Variants in UBASH3B observed in about 807,000 individuals in gnomAD.
The protein encoded by UBASH3B is ubiquitin associated and SH3 domain containing B.
In UBASH3B, 37 loss-of-function variants were observed where a neutral mutation model predicts 83.4. The ratio of observed to expected loss-of-function variants is 0.44; its 90% CI spans 0.34 to 0.58. UBASH3B has a LOEUF of 0.58. Among genes scored for constraint, UBASH3B ranks in the 20% least tolerant of loss-of-function variants. UBASH3B has a pLI of 0.01. For missense variants in UBASH3B, 657 were observed against 827.2 expected, an observed-to-expected ratio of 0.79 and a Z score of 2.52; for synonymous variants, 304 against 318.3, an observed-to-expected ratio of 0.96 and a Z score of 0.48.
At chr11:122,670,961 C>G (rs1863586238) in intron 1 of UBASH3B, among the ~76,000 whole-genome samples, 1 of 151,984 alleles carries the variant, frequency 6.6e-6, no homozygotes, top group Admixed American at 6.6e-5. Flanking sequence ...TGGGGTTTCG[C>G]CACGTTGCCC....
At chr11:122,789,351 C>T (rs772186948) in intron 6 of UBASH3B, 43 bp downstream of exon 6, 2 of 1,599,058 alleles carry the variant, frequency 1.3e-6, no homozygotes, top group Non-Finnish European at 1.7e-6. Context: ...AAGAATGTTG[C>T]TAAGGCAGAC....
chr11:122,662,042 G>T (rs1457196437), intron 1 of UBASH3B, among the ~76,000 whole-genome samples: 1 of 151,664 alleles, frequency 6.6e-6, no homozygotes, highest in Non-Finnish European at 1.5e-5. Context: ...CAAGTAGCTA[G>T]GACTACAGGT....
At chr11:122,741,800 T>A (rs543791308) in intron 1 of UBASH3B, among the ~76,000 whole-genome samples, 23 of 152,258 alleles carry the variant, frequency 1.5e-4, no homozygotes, top group Admixed American at 5.9e-4. Context: ...AACCCTCCTT[T>A]GCTCTTCCCC....
At chr11:122,798,790 AC>A in intron 9 of UBASH3B, 151 bp from the exon 10 acceptor site, 1 of 556,946 alleles carries the variant, frequency 1.8e-6, no homozygotes, top group Non-Finnish European at 3.2e-6. Context: ...TTTGTTAGAA[AC>A]TAACAAAGGC....
chr11:122,733,627 C>G (rs1300002891), intron 1 of UBASH3B, among the ~76,000 whole-genome samples: 1 of 152,218 alleles, frequency 6.6e-6, no homozygotes, highest in Non-Finnish European at 1.5e-5. Flanking sequence ...TTGATGTATT[C>G]ATTCCACACA....
intron 1 of UBASH3B, among the ~76,000 whole-genome samples, chr11:122,745,458 A>G (rs147274928): frequency 7.2e-4 from 109 of 152,354 alleles, no homozygotes; most frequent in African/African-American, 2.4e-3. Context: ...TCACAGTCCC[A>G]TGAATACATA....
chr11:122,764,089 A>G (rs1219005171), intron 1 of UBASH3B, among the ~76,000 whole-genome samples: 2 of 152,220 alleles, frequency 1.3e-5, no homozygotes, highest in Admixed American at 1.3e-4. Flanking sequence ...CGTTGGAAGG[A>G]GTTTGGACTC....
chr11:122,801,191 T>C lies in UBASH3B; in HGVS notation c.1454T>C (p.Leu485Ser). The change falls in exon 11 of 14, where the codon TTA (leucine) becomes TCA (serine). Residue 485 changes from leucine to serine, a missense_variant. This residue lies in a region of UBASH3B where 573 missense variants were observed against 739.0 expected (regional missense o/e 0.78). Coordinates refer to ENST00000284273, the MANE Select transcript of UBASH3B (RefSeq NM_032873.5). ...VQTAHNILKG[L>S]QQENHLKIRV... Reference sequence around the variant, plus strand: ...TTCACTGTATTTTACCCCTAAGGTTTACAACAAGAAAATCACTTGAAGATC... The same window carrying C: ...TTCACTGTATTTTACCCCTAAGGTTCACAACAAGAAAATCACTTGAAGATC... The C allele has an allele frequency of 6.2e-7, 1 of 1,614,196 alleles. No homozygotes were observed. The highest frequency in any genetic ancestry group is 8.5e-7 in the Non-Finnish European group (1 of 1,180,006).
chr11:122,685,965 A>G (rs925920674), intron 1 of UBASH3B, among the ~76,000 whole-genome samples: 5 of 152,182 alleles, frequency 3.3e-5, no homozygotes, highest in Admixed American at 6.5e-5. Context: ...TGAGGCTCTG[A>G]GAGGTTAAGT....
At chr11:122,737,442 A>G (rs543613138) in intron 1 of UBASH3B, among the ~76,000 whole-genome samples, 2 of 152,278 alleles carry the variant, frequency 1.3e-5, no homozygotes, top group East Asian at 3.9e-4. Flanking sequence ...TGAGAGAAAG[A>G]GAGAAGTCAA....
chr11:122,655,971 C>G lies in UBASH3B; in HGVS notation c.-79C>G, dbSNP rs758910676. ...GCTCTGGGTCCCCGAGCCCCCTCCC[C>G]TGGCCCAGCCCGACTCCCTCCTCCT... On this transcript the variant is annotated 5_prime_UTR_variant, in exon 1 of 14. Transcript: ENST00000284273. The G allele has an allele frequency of 7.4e-7, 1 of 1,350,006 alleles. No individual in the cohort carries two copies. The highest frequency in any genetic ancestry group is 9.6e-7 in the Non-Finnish European group (1 of 1,036,426). The allele number at this position is 1,350,006 out of a possible 1,614,324, so 83.6% of individuals were successfully genotyped here. A position where few individuals can be genotyped will look rare whatever the true frequency, so the allele number is the denominator to read the frequency against.
intron 1 of UBASH3B, among the ~76,000 whole-genome samples, chr11:122,729,357 G>A (rs1292306798): frequency 3.3e-5 from 5 of 152,180 alleles, no homozygotes; most frequent in South Asian, 2.1e-4. Context: ...AGGCCCTGGT[G>A]CCTGAGCCAC....
In UBASH3B at chr11:122,806,833, A is replaced by G. The variant is rs1565574240; in HGVS notation, c.1702+317A>G. Among the ~76,000 whole-genome samples the G allele has an allele frequency of 6.6e-6, 1 of 152,184 alleles. No homozygotes were observed. The highest frequency in any genetic ancestry group is 1.5e-5 in the Non-Finnish European group (1 of 68,032). On this transcript the variant is annotated intron_variant, in intron 12 of 13. Coordinates refer to ENST00000284273, the MANE Select transcript of UBASH3B (RefSeq NM_032873.5). This position sits in a 1 kb window ranked among gnomAD's most constrained non-coding sequence, Gnocchi z 4.0. ...GCTCTAGCATGCCACTGTTTTGCCT[A>G]TAATTGATGCAGCGGCATGCACACC... is the stretch of plus-strand genomic sequence containing the variant.
At chr11:122,807,799 C>T (rs1861367150) in intron 12 of UBASH3B, among the ~76,000 whole-genome samples, 1 of 152,160 alleles carries the variant, frequency 6.6e-6, no homozygotes, top group Non-Finnish European at 1.5e-5. Context: ...AGTGGTCCTC[C>T]CTCCTCGTTC....
At chr11:122,690,202 A>ACAAT (rs1565530305) in intron 1 of UBASH3B, among the ~76,000 whole-genome samples, 5 of 40,632 alleles carry the variant, frequency 1.2e-4, no homozygotes, top group South Asian at 1.1e-3. Flanking sequence ...ATATATATAT[A>ACAAT]TATATATCCA....
chr11:122,689,589 C>T (rs1007701885), intron 1 of UBASH3B, among the ~76,000 whole-genome samples: 3 of 152,040 alleles, frequency 2.0e-5, no homozygotes, highest in Non-Finnish European at 4.4e-5. Context: ...AGGTTTTCCC[C>T]ACATGGCAAG....
At chr11:122,689,343 A>C (rs966774338) in intron 1 of UBASH3B, among the ~76,000 whole-genome samples, 3 of 152,128 alleles carry the variant, frequency 2.0e-5, no homozygotes, top group Admixed American at 6.6e-5. Flanking sequence ...CTAGTACATG[A>C]ATATACTATT....
At chr11:122,753,240 T>G (rs189853362) in intron 1 of UBASH3B, among the ~76,000 whole-genome samples, 41 of 151,798 alleles carry the variant, frequency 2.7e-4, no homozygotes, top group African/African-American at 9.2e-4. Context: ...GGTCAGGAGT[T>G]GAAGACCAGC....
chr11:122,802,221 A>G lies in UBASH3B; in HGVS notation c.1595+889A>G, dbSNP rs539189914. Among the ~76,000 whole-genome samples the G allele has an allele frequency of 7.4e-5, 11 of 148,350 alleles. No homozygotes were observed. In the South Asian group the frequency reaches 2.4e-3, roughly 33 times the overall value. ...TCCCAGCTACTAAGGAGGCTGAGGC[A>G]GGAGAATCGCTTGAACCCAGGAGGC... is the stretch of plus-strand genomic sequence containing the variant. On this transcript the variant is annotated intron_variant, in intron 11 of 13. Transcript: ENST00000284273.
Sources: gnomAD v4.1 joint callset for allele counts (sites outside exome capture counted in the v4.1 genomes callset) on GRCh38, gnomAD v4.1.1 for gene constraint, gnomAD v4.1.1 regional missense constraint, Gnocchi (gnomAD v3.1) non-coding constraint, MANE v1.5 for transcripts, NCBI Gene and HGNC (gene_info 2026-07-23, HGNC 2026-07-21) for gene names.